Variants in PTER observed in about 807,000 individuals in gnomAD.
The protein encoded by PTER is phosphotriesterase related, also known as N-acetyltaurine hydrolase.
Under a neutral mutation model 29.6 loss-of-function variants are expected in PTER, and 38 were observed. That is an observed-to-expected ratio of 1.28 (90% CI 0.99 to 1.68). The LOEUF is 1.68. Among genes scored for constraint, PTER ranks in the 40% most tolerant of loss-of-function variants. The probability of loss-of-function intolerance (pLI) is 0.00; values close to 1 mark genes in which losing one functional copy is unlikely to be tolerated. For missense variants in PTER, 482 were observed against 427.8 expected, an observed-to-expected ratio of 1.13 and a Z score of -1.12; for synonymous variants, 172 against 154.5, an observed-to-expected ratio of 1.11 and a Z score of -0.84.
intron 3 of PTER, among the ~76,000 whole-genome samples, chr10:16,495,074 T>TA (rs1326097592): frequency 6.6e-6 from 1 of 151,924 alleles, no homozygotes; most frequent in Non-Finnish European, 1.5e-5. Context: ...TGAAAAACTT[T>TA]AAAAAAATAA....
At chr10:16,443,905 G>A (rs1436825315) in intron 1 of PTER, among the ~76,000 whole-genome samples, 2 of 151,964 alleles carry the variant, frequency 1.3e-5, no homozygotes, top group Non-Finnish European at 2.9e-5. Flanking sequence ...TGCTCATCTT[G>A]CTTAAATATG....
At chr10:16,459,164 C>T (rs898503418) in intron 1 of PTER, among the ~76,000 whole-genome samples, 2 of 152,170 alleles carry the variant, frequency 1.3e-5, no homozygotes, top group African/African-American at 2.4e-5. Flanking sequence ...TTAAAACCCA[C>T]TTAGTGATTC....
At position 16,507,446 on chromosome 10, in the gene PTER, G is replaced by A. The variant is rs147684057; in HGVS notation, c.839+2286G>A. On this transcript the variant is annotated intron_variant, in intron 4 of 4. Coordinates refer to ENST00000535784, the MANE Select transcript of PTER (RefSeq NM_001261836.2). ...GGTTGCCGTGGAAGTAGCAAAGCTG[G>A]AATTGAGAAGTGATGTCCAGGAACC... Among the ~76,000 whole-genome samples, 16 of 152,204 alleles carry A rather than the reference G, an allele frequency of 1.1e-4. No individual in the cohort carries two copies. The East Asian group carries it at 2.5e-3, about 24-fold the overall frequency.
chr10:16,441,313 C>G (rs367762662), intron 1 of PTER, among the ~76,000 whole-genome samples: 7 of 152,148 alleles, frequency 4.6e-5, no homozygotes, highest in Non-Finnish European at 8.8e-5. Flanking sequence ...TCAGTGGATA[C>G]ATTTCAGAAA....
In PTER at chr10:16,486,615, T is replaced by C. The variant is rs750436271; in HGVS notation, c.696T>C (p.Asp232=). The C allele has an allele frequency of 1.9e-6, 3 of 1,605,772 alleles. No individual in the cohort carries two copies. Among genetic ancestry groups the C allele is most frequent in the Non-Finnish European group, 2.6e-6 (3 of 1,175,130 alleles). ...DISKTVMSHL[D]RTILDKKELL... ...CCAAAACAGTCATGTCACACCTGGA[T>C]AGGTAAGTAGGCTGTCTTACAAATG... The change falls in exon 3 of 5, where the codon GAT becomes GAC. Residue 232 remains aspartate, a splice_region_variant and synonymous_variant. Transcript: ENST00000535784.
downstream of PTER, among the ~76,000 whole-genome samples, chr10:16,516,719 G>A (rs146545965): frequency 1.3e-5 from 2 of 152,162 alleles, no homozygotes; most frequent in African/African-American, 4.8e-5. Context: ...TCTCCAGGGT[G>A]TAACCACAAA....
At chr10:16,513,972 A>G (rs1374257185), downstream of PTER, 2 of 220,386 alleles carry the variant, frequency 9.1e-6, no homozygotes, top group Non-Finnish European at 1.8e-5. Context: ...TTCCAGGTTA[A>G]GGCTTGAAGT....
At chr10:16,504,700 G>T (rs1326973771) in intron 3 of PTER, among the ~76,000 whole-genome samples, 1 of 152,138 alleles carries the variant, frequency 6.6e-6, no homozygotes, top group African/African-American at 2.4e-5. Context: ...AAAATAGTGT[G>T]GGGGCATCTT....
chr10:16,495,799 G>T (rs984565568), intron 3 of PTER, among the ~76,000 whole-genome samples: 3 of 152,206 alleles, frequency 2.0e-5, no homozygotes, highest in Non-Finnish European at 4.4e-5. Context: ...TAGATTAGGA[G>T]TTGGAATACC....
chr10:16,460,107 C>G (rs1049000013), intron 1 of PTER, among the ~76,000 whole-genome samples: 4 of 152,106 alleles, frequency 2.6e-5, no homozygotes, highest in Admixed American at 6.6e-5. Flanking sequence ...ATTTAAATTA[C>G]TAGAGTCTTA....
At chr10:16,492,502 C>T (rs1270038551) in intron 3 of PTER, among the ~76,000 whole-genome samples, 2 of 152,092 alleles carry the variant, frequency 1.3e-5, no homozygotes, top group African/African-American at 4.8e-5. Context: ...TTTTGCCATT[C>T]ATCTTCAAGG....
At chr10:16,466,113 G>C (rs955871276) in intron 1 of PTER, among the ~76,000 whole-genome samples, 2 of 152,064 alleles carry the variant, frequency 1.3e-5, no homozygotes, top group Non-Finnish European at 2.9e-5. Context: ...GTATGGGAAT[G>C]GAGTTAGTTA....
chr10:16,489,300 G>C (rs1186135544), intron 3 of PTER, among the ~76,000 whole-genome samples: 1 of 151,940 alleles, frequency 6.6e-6, no homozygotes, highest in Non-Finnish European at 1.5e-5. Flanking sequence ...GGTTAATTTT[G>C]ATCATTTATG....
At chr10:16,475,792 G>T (rs1835239333) in intron 1 of PTER, among the ~76,000 whole-genome samples, 1 of 152,194 alleles carries the variant, frequency 6.6e-6, no homozygotes, top group Non-Finnish European at 1.5e-5. Context: ...GAGTTGTGAT[G>T]TCAATTGCAG....
downstream of PTER, chr10:16,514,770 A>C: frequency 1.6e-6 from 2 of 1,286,418 alleles, no homozygotes. Flanking sequence ...CTTTTTTGCC[A>C]TTCATGTAGC....
chr10:16,505,905 G>A (rs1318535500), intron 4 of PTER, among the ~76,000 whole-genome samples: 2 of 152,258 alleles, frequency 1.3e-5, no homozygotes, highest in East Asian at 3.9e-4. Flanking sequence ...TGTGATAGTT[G>A]AACCGTGGGA....
intron 3 of PTER, among the ~76,000 whole-genome samples, chr10:16,503,324 T>G (rs1433725630): frequency 2.0e-5 from 3 of 151,984 alleles, no homozygotes; most frequent in African/African-American, 7.2e-5. Flanking sequence ...CTTCCTGGTT[T>G]CAAGTGATTC....
At chr10:16,464,228 T>G (rs1275026423) in intron 1 of PTER, among the ~76,000 whole-genome samples, 2 of 152,206 alleles carry the variant, frequency 1.3e-5, no homozygotes, top group African/African-American at 4.8e-5. Flanking sequence ...TACAATACTT[T>G]ATTAATAGTG....
At chr10:16,509,626 G>T (rs531833103) in intron 4 of PTER, among the ~76,000 whole-genome samples, 1 of 152,250 alleles carries the variant, frequency 6.6e-6, no homozygotes, top group African/African-American at 2.4e-5. Flanking sequence ...TCAGTATTGT[G>T]TGTGCATTCT....
Sources: allele counts gnomAD v4.1 joint callset (sites outside exome capture counted in the v4.1 genomes callset), GRCh38; gene constraint gnomAD v4.1.1; transcripts MANE v1.5; gene names NCBI Gene and HGNC (gene_info 2026-07-23, HGNC 2026-07-21).